The following SCAPER variants were observed in gnomAD, a reference collection of about 807,000 sequenced individuals.
SCAPER encodes S phase cyclin A-associated protein in the endoplasmic reticulum.
Under a neutral mutation model 182.2 loss-of-function variants are expected in SCAPER, and 98 were observed. The ratio of observed to expected loss-of-function variants is 0.54; its 90% CI spans 0.46 to 0.64. SCAPER has a LOEUF of 0.64. Among genes scored for constraint, SCAPER ranks in the 30% least tolerant of loss-of-function variants. SCAPER has a pLI of 0.00. For synonymous variants in SCAPER, 605 were observed against 564.6 expected, an observed-to-expected ratio of 1.07 and a Z score of -1.01; for missense variants, 1,432 against 1,690.0, an observed-to-expected ratio of 0.85 and a Z score of 2.68.
intron 1 of SCAPER, among the ~76,000 whole-genome samples, chr15:76,888,357 C>T (rs1020692361): frequency 2.0e-5 from 3 of 152,086 alleles, no homozygotes; most frequent in African/African-American, 7.2e-5. Flanking sequence ...TTCGGAAGGT[C>T]GGTAATAACA....
chr15:76,492,123 C>G lies in SCAPER; in HGVS notation c.2954+12736G>C, dbSNP rs555486515. ...TTATTCTGTGATGTATCTATAGCAG[C>G]AACATAAAAATATACCCTGATTGAT... On this transcript the variant is annotated intron_variant, in intron 24 of 31. Transcript: ENST00000563290. 1.8e-3 allele frequency among the ~76,000 whole-genome samples: 275 copies of G among 152,246 alleles called. 3 individuals are homozygous for G. Among genetic ancestry groups the G allele is most frequent in the South Asian group, 0.01 (50 of 4,812 alleles).
chr15:76,559,380 C>G (rs1287267717), intron 23 of SCAPER, among the ~76,000 whole-genome samples: 1 of 151,836 alleles, frequency 6.6e-6, no homozygotes, highest in African/African-American at 2.4e-5. Flanking sequence ...TTATAAGGGG[C>G]TCTTTCCCCT....
At position 76,354,295 on chromosome 15, in the gene SCAPER, T is replaced by C. The variant is rs113984395; in HGVS notation, c.3856-155A>G. On this transcript the variant is annotated intron_variant, in intron 29 of 31. Coordinates refer to ENST00000563290, the MANE Select transcript of SCAPER (RefSeq NM_020843.4). This position sits in a 1 kb window ranked among gnomAD's most constrained non-coding sequence, Gnocchi z 4.4. ...TACCAGAGCTTAATTTAAGTGATAC[T>C]TGAAAAGAGCAGAAAAAAAAAATCT... The C allele has an allele frequency of 2.2e-5, 12 of 549,712 alleles. No individual in the cohort carries two copies. The highest frequency in any genetic ancestry group is 1.4e-4 in the African/African-American group (7 of 50,336). 34.1% of individuals were successfully genotyped at this position (549,712 alleles called of 1,614,324 possible).
At chr15:76,567,378 T>C (rs1357051308) in intron 23 of SCAPER, 2 of 454,808 alleles carry the variant, frequency 4.4e-6, no homozygotes, top group Admixed American at 2.4e-5. Flanking sequence ...CTGGTGGATA[T>C]ATGCATTGCT....
At chr15:76,429,330 T>G (rs1318304300) in intron 26 of SCAPER, among the ~76,000 whole-genome samples, 1 of 152,092 alleles carries the variant, frequency 6.6e-6, no homozygotes, top group Non-Finnish European at 1.5e-5. Context: ...CCTGAAAATG[T>G]TGGAAGTGAC....
At position 76,862,540 on chromosome 15, in the gene SCAPER, A is replaced by G. The variant is rs1178692268; in HGVS notation, c.7-7T>C. The G allele has an allele frequency of 1.3e-6, 2 of 1,506,118 alleles. No homozygotes were observed. Among genetic ancestry groups the G allele is most frequent in the Non-Finnish European group, 1.8e-6 (2 of 1,085,014 alleles). The allele number at this position is 1,506,118 out of a possible 1,614,324, so 93.3% of individuals were successfully genotyped here. On this transcript the variant is annotated splice_polypyrimidine_tract_variant and splice_region_variant and intron_variant, in intron 2 of 31. Coordinates refer to ENST00000563290, the MANE Select transcript of SCAPER (RefSeq NM_020843.4). ...TGGAGCGCTGGAATGAAGCCTATGT[A>G]TGGAAAAGATGGTACTTATTAGATT...
chr15:76,869,361 C>T (rs956978615), intron 2 of SCAPER, among the ~76,000 whole-genome samples: 37 of 151,976 alleles, frequency 2.4e-4, no homozygotes, highest in African/African-American at 8.5e-4. Context: ...GGAAATTACC[C>T]ATCTAGTAAG....
At chr15:76,509,513 T>C (rs2041861643) in intron 23 of SCAPER, among the ~76,000 whole-genome samples, 2 of 152,234 alleles carry the variant, frequency 1.3e-5, no homozygotes. Flanking sequence ...GCCAATTTTT[T>C]GTTTTTAAAA....
intron 21 of SCAPER, among the ~76,000 whole-genome samples, chr15:76,650,070 G>C (rs1367279070): frequency 6.6e-6 from 1 of 152,104 alleles, no homozygotes; most frequent in Non-Finnish European, 1.5e-5. Flanking sequence ...AAGGAAGATG[G>C]ACGCATAAAT....
intron 27 of SCAPER, among the ~76,000 whole-genome samples, chr15:76,400,004 C>CA (rs11286576): frequency 0.015 from 1,754 of 114,566 alleles, 21 homozygotes; most frequent in African/African-American, 0.035. Context: ...GACTCCGTCT[C>CA]AAAAAAAAAA....
intron 3 of SCAPER, among the ~76,000 whole-genome samples, chr15:76,861,356 T>C (rs2071847904): frequency 2.6e-5 from 4 of 152,238 alleles, no homozygotes; most frequent in Admixed American, 2.6e-4. Context: ...ACGAGACAGT[T>C]ATCACGAACC....
chr15:76,518,092 G>T (rs2042574189), intron 23 of SCAPER, among the ~76,000 whole-genome samples: 1 of 152,194 alleles, frequency 6.6e-6, no homozygotes. Context: ...TGTGCACACA[G>T]CAGGAGGGAA....
At chr15:76,658,723 C>T (rs928072928) in intron 21 of SCAPER, among the ~76,000 whole-genome samples, 5 of 152,164 alleles carry the variant, frequency 3.3e-5, no homozygotes, top group South Asian at 2.1e-4. Context: ...AAAACAGAAA[C>T]ATAGATGAAT....
chr15:76,728,216 C>CAAA (rs746287649), intron 17 of SCAPER, among the ~76,000 whole-genome samples: 1 of 115,080 alleles, frequency 8.7e-6, no homozygotes, highest in African/African-American at 3.1e-5. Context: ...CTATTTCCAT[C>CAAA]AAAAAAAAAA....
chr15:76,635,471 T>G lies in SCAPER; in HGVS notation c.2646-13642A>C, dbSNP rs572312888. ...CATGAATGTTATAATGAAACAACATTATTTGAGGACGTGCTGTTTTAAGAC... is the reference window on the plus strand; with the variant it reads ...CATGAATGTTATAATGAAACAACATGATTTGAGGACGTGCTGTTTTAAGAC... On this transcript the variant is annotated intron_variant, in intron 21 of 31. Coordinates refer to ENST00000563290, the MANE Select transcript of SCAPER (RefSeq NM_020843.4). Among the ~76,000 whole-genome samples the G allele has an allele frequency of 4.6e-5, 7 of 152,314 alleles. No individual in the cohort carries two copies. The South Asian group carries it at 1.5e-3, about 32-fold the overall frequency.
chr15:76,674,139 A>G (rs988165257), intron 20 of SCAPER, among the ~76,000 whole-genome samples: 3 of 152,200 alleles, frequency 2.0e-5, no homozygotes, highest in Non-Finnish European at 4.4e-5. Context: ...TTCTTTATAA[A>G]TGTATTACAA....
chr15:76,485,068 G>C (rs2051486658), intron 24 of SCAPER, among the ~76,000 whole-genome samples: 1 of 152,182 alleles, frequency 6.6e-6, no homozygotes, highest in South Asian at 2.1e-4. Flanking sequence ...TCAGGCAAGA[G>C]AGAGAAGTAA....
At chr15:76,740,701 A>G (rs2061496039) in intron 15 of SCAPER, among the ~76,000 whole-genome samples, 1 of 152,188 alleles carries the variant, frequency 6.6e-6, no homozygotes, top group South Asian at 2.1e-4. Context: ...TTTTCCTAGA[A>G]AAAAGTTTTT....
chr15:76,589,558 T>C (rs2048950639), intron 22 of SCAPER, among the ~76,000 whole-genome samples: 2 of 152,200 alleles, frequency 1.3e-5, no homozygotes, highest in Non-Finnish European at 2.9e-5. Context: ...GCACTAAGTT[T>C]GTTTCCAGGC....
Sources: allele counts gnomAD v4.1 joint callset (sites outside exome capture counted in the v4.1 genomes callset), GRCh38; gene constraint gnomAD v4.1.1; non-coding constraint Gnocchi (gnomAD v3.1); transcripts MANE v1.5; gene names NCBI Gene and HGNC (gene_info 2026-07-23, HGNC 2026-07-21).